Variants in SUGCT observed in about 807,000 individuals in gnomAD.
SUGCT encodes succinyl-CoA:glutarate CoA-transferase.
Under a neutral mutation model 55.0 loss-of-function variants are expected in SUGCT, and 41 were observed. That is an observed-to-expected ratio of 0.74 (90% CI 0.58 to 0.97). SUGCT has a LOEUF of 0.97. Among genes scored for constraint, SUGCT ranks in the 50% least tolerant of loss-of-function variants. The pLI is 0.00. For synonymous variants in SUGCT, 187 were observed against 200.4 expected (o/e 0.93, Z 0.56); for missense variants, 568 against 547.8 (o/e 1.04, Z -0.37).
rs765744466 is a variant in SUGCT at position 40,749,498 on chromosome 7, G to T, written c.1153+1G>T. On this transcript the variant is annotated splice_donor_variant, in intron 13 of 13. Transcript: ENST00000335693. LOFTEE classifies it high-confidence loss of function. ...ACTGTGGGGAAGATTTCCGTCCCAGGTCTGAAAAGTTTTGGTATTTTCTCT... is the reference window on the plus strand; with the variant it reads ...ACTGTGGGGAAGATTTCCGTCCCAGTTCTGAAAAGTTTTGGTATTTTCTCT... The T allele has an allele frequency of 6.2e-6, 10 of 1,612,974 alleles. No individual in the cohort carries two copies. Among genetic ancestry groups the T allele is most frequent in the South Asian group, 3.3e-5 (3 of 91,064 alleles).
chr7:40,871,827 C>T, the SUGCT span, among the ~76,000 whole-genome samples: 21 of 152,230 alleles, frequency 1.4e-4, no homozygotes, highest in African/African-American at 5.1e-4. Context: ...TAAATTACAG[C>T]AGTAGTGGTA....
intron 12 of SUGCT, among the ~76,000 whole-genome samples, chr7:40,635,680 T>C (rs1030956278): frequency 6.6e-6 from 1 of 152,250 alleles, no homozygotes; most frequent in Non-Finnish European, 1.5e-5. Flanking sequence ...CATTATTGTC[T>C]CTTCTTCTGC....
At chr7:40,959,109 G>T in the SUGCT span, among the ~76,000 whole-genome samples, 1 of 152,192 alleles carries the variant, frequency 6.6e-6, no homozygotes, top group Admixed American at 6.5e-5. Context: ...CTTGACCCCT[G>T]CTGGGAGGTG....
chr7:40,257,602 G>C (rs1246307830), intron 7 of SUGCT, among the ~76,000 whole-genome samples: 3 of 152,226 alleles, frequency 2.0e-5, no homozygotes. Context: ...AAGACTGGGT[G>C]TGGTGGCTTA....
intron 11 of SUGCT, among the ~76,000 whole-genome samples, chr7:40,478,551 T>C (rs1790841807): frequency 6.6e-6 from 1 of 152,154 alleles, no homozygotes; most frequent in African/African-American, 2.4e-5. Flanking sequence ...ATTTAACAAA[T>C]AAATATTGTA....
intron 12 of SUGCT, among the ~76,000 whole-genome samples, chr7:40,651,300 T>C (rs2151839517): frequency 6.6e-6 from 1 of 152,334 alleles, no homozygotes; most frequent in Non-Finnish European, 1.5e-5. Flanking sequence ...TGGTGTGAAA[T>C]TGTATTTCAT....
chr7:40,608,565 G>A (rs1798627231), intron 12 of SUGCT, among the ~76,000 whole-genome samples: 1 of 152,144 alleles, frequency 6.6e-6, no homozygotes, highest in Non-Finnish European at 1.5e-5. Context: ...GCATTACAAG[G>A]TTAGGTTTTC....
chr7:40,867,206 C>A, the SUGCT span, among the ~76,000 whole-genome samples: 1 of 148,958 alleles, frequency 6.7e-6, no homozygotes, highest in African/African-American at 2.5e-5. Flanking sequence ...TGTCTCTATA[C>A]CACATGCCCC....
the SUGCT span, among the ~76,000 whole-genome samples, chr7:40,913,574 A>T: frequency 6.6e-6 from 1 of 152,212 alleles, no homozygotes; most frequent in Non-Finnish European, 1.5e-5. Context: ...TTTTGCCAAA[A>T]TAATGCTGCC....
At chr7:40,759,931 T>G (rs2128719878) in intron 13 of SUGCT, among the ~76,000 whole-genome samples, 1 of 152,242 alleles carries the variant, frequency 6.6e-6, no homozygotes, top group African/African-American at 2.4e-5. Flanking sequence ...GTTAGGCCAT[T>G]TTAATATTCT....
intron 12 of SUGCT, among the ~76,000 whole-genome samples, chr7:40,742,643 T>C (rs1787525416): frequency 6.6e-6 from 1 of 152,074 alleles, no homozygotes; most frequent in South Asian, 2.1e-4. Context: ...CGGTACTGGT[T>C]TGTGGACCCC....
At chr7:40,641,716 G>A (rs1007730373) in intron 12 of SUGCT, among the ~76,000 whole-genome samples, 3 of 152,152 alleles carry the variant, frequency 2.0e-5, no homozygotes, top group Non-Finnish European at 2.9e-5. Context: ...CATGTGTAAA[G>A]GTTTCCCCTT....
chr7:40,692,511 T>A (rs145386311), intron 12 of SUGCT, among the ~76,000 whole-genome samples: 242 of 152,294 alleles, frequency 1.6e-3, no homozygotes, highest in African/African-American at 5.3e-3. Flanking sequence ...GGTCTCGTAC[T>A]GTGTATTAAG....
At chr7:40,503,838 C>T (rs950532732) in intron 12 of SUGCT, among the ~76,000 whole-genome samples, 8 of 152,110 alleles carry the variant, frequency 5.3e-5, no homozygotes, top group South Asian at 2.1e-4. Context: ...AAGTACATAT[C>T]GGTATGATAA....
chr7:40,513,202 C>T (rs1562828956), intron 12 of SUGCT, among the ~76,000 whole-genome samples: 1 of 152,106 alleles, frequency 6.6e-6, no homozygotes. Flanking sequence ...CCCACCATAA[C>T]TGTTCAACCT....
At chr7:40,514,710 CAAAA>C (rs914527174) in intron 12 of SUGCT, among the ~76,000 whole-genome samples, 3 of 13,866 alleles carry the variant, frequency 2.2e-4, no homozygotes, top group Non-Finnish European at 4.8e-4. Flanking sequence ...AACTCCGTCT[CAAAA>C]AAAAAAAAAA....
chr7:40,672,131 G>C (rs780882708), intron 12 of SUGCT, among the ~76,000 whole-genome samples: 44 of 152,038 alleles, frequency 2.9e-4, no homozygotes, highest in Non-Finnish European at 5.1e-4. Flanking sequence ...ACATCCATAG[G>C]CAATACAAAA....
At chr7:40,396,025 T>G (rs1232776135) in intron 9 of SUGCT, among the ~76,000 whole-genome samples, 3 of 152,190 alleles carry the variant, frequency 2.0e-5, no homozygotes, top group Non-Finnish European at 4.4e-5. Flanking sequence ...ATGTAAGAGA[T>G]AGTTTTAGCT....
Position 40,135,066 on chromosome 7 carries a change from C to T in SUGCT, c.46C>T (p.Leu16Phe). 1 of 1,561,328 alleles carries T rather than the reference C, an allele frequency of 6.4e-7. No individual in the cohort carries two copies. The highest frequency in any genetic ancestry group is 8.7e-7 in the Non-Finnish European group (1 of 1,154,080). Reference protein sequence around the residue: ...ARVAALRRTCLFSGRGGGRGL... With the variant: ...ARVAALRRTCFFSGRGGGRGL... The stretch of plus-strand genomic sequence containing the variant: ...GGTGGCAGCTCTGCGCAGAACCTGC[C>T]TCTTCTCCGGCCGGGGCGGCGGGAG... Residue 16 changes from leucine (L) to phenylalanine (F), a missense_variant, in exon 1 of 14, where the codon CTC becomes TTC. By Grantham distance (22) the Leu-to-Phe change is conservative. Transcript: ENST00000335693.
Sources: gnomAD v4.1 joint callset for allele counts (sites outside exome capture counted in the v4.1 genomes callset) on GRCh38, gnomAD v4.1.1 for gene constraint, MANE v1.5 for transcripts, NCBI Gene and HGNC (gene_info 2026-07-23, HGNC 2026-07-21) for gene names.